IGDCC3: variants seen among roughly 807,000 people sequenced by gnomAD.
The protein encoded by IGDCC3 is putative neuronal cell adhesion molecule.
A neutral mutation model predicts 72.0 loss-of-function variants in IGDCC3; 47 were observed. The observed-to-expected ratio is 0.65, with a 90% CI of 0.52 to 0.83. The LOEUF is 0.83. Among genes scored for constraint, IGDCC3 ranks in the 40% least tolerant of loss-of-function variants. IGDCC3 has a pLI of 0.00. For synonymous variants in IGDCC3, 477 were observed against 472.8 expected, an observed-to-expected ratio of 1.01 and a Z score of -0.11; for missense variants, 1,038 against 1,091.3, an observed-to-expected ratio of 0.95 and a Z score of 0.69.
At chr15:65,374,578 A>AT (rs1240498142) in intron 2 of IGDCC3, among the ~76,000 whole-genome samples, 1 of 152,058 alleles carries the variant, frequency 6.6e-6, no homozygotes, top group African/African-American at 2.4e-5. Context: ...ATCCTACCAT[A>AT]TTTTTTTAAT....
At chr15:65,351,394 T>C (rs1013186838) in intron 2 of IGDCC3, among the ~76,000 whole-genome samples, 28 of 151,842 alleles carry the variant, frequency 1.8e-4, no homozygotes, top group Admixed American at 3.3e-4. Flanking sequence ...ATTAGCTGGG[T>C]ATGGTGGCGG....
chr15:65,349,391 G>C (rs2091154085), intron 2 of IGDCC3, among the ~76,000 whole-genome samples: 1 of 152,092 alleles, frequency 6.6e-6, no homozygotes. Flanking sequence ...TTACCAGTCA[G>C]ATTTTGGGTT....
chr15:65,329,085 AC>A lies in IGDCC3; in HGVS notation c.2268del (p.Cys757AlafsTer3). 6.2e-7 allele frequency: 1 copy of A among 1,611,206 alleles called. No individual in the cohort carries two copies. Among genetic ancestry groups the A allele is most frequent in the Non-Finnish European group, 8.5e-7 (1 of 1,179,070 alleles). ...GTCGTCTTCCCCTCCATCAGGCCGC[AC>A]CCCTGAAGTGGCAGCACGGAGAGCT... ...ETQLSVLPLQ[G>X]CGLMEGKTTE... is the part of the protein sequence containing the mutation. On this transcript the variant is annotated frameshift_variant, in exon 14 of 14. Transcript: ENST00000327987. LOFTEE classifies it low-confidence loss of function (END_TRUNC). The surrounding 1 kb of genome is among the most constrained non-coding windows in gnomAD (Gnocchi z 4.1).
intron 6 of IGDCC3, among the ~76,000 whole-genome samples, 181 bp downstream of exon 6, chr15:65,333,076 C>CGCAAGCAT (rs1567061106): frequency 6.6e-6 from 1 of 152,254 alleles, no homozygotes; most frequent in African/African-American, 2.4e-5. Flanking sequence ...CCATTCCCAA[C>CGCAAGCAT]GCAAGCATTC....
intron 6 of IGDCC3, among the ~76,000 whole-genome samples, chr15:65,332,997 C>T (rs940514164): frequency 1.6e-5 from 2 of 123,802 alleles, no homozygotes; most frequent in African/African-American, 5.8e-5. Context: ...AAATGACTCC[C>T]TGGGTGGAGG....
chr15:65,377,912 G>A lies in IGDCC3; in HGVS notation c.-124C>T, dbSNP rs1470027501. On this transcript the variant is annotated 5_prime_UTR_variant, in exon 1 of 14. Coordinates refer to ENST00000327987, the MANE Select transcript of IGDCC3 (RefSeq NM_004884.4). The surrounding 1 kb of genome is among the most constrained non-coding windows in gnomAD (Gnocchi z 4.9). ...CCGGCCGGGGCCGAGCCCAGGCGGT[G>A]GGGGACTGGGGCCGCATGCCTGCTC... The A allele has an allele frequency of 2.2e-6, 2 of 904,870 alleles. No homozygotes were observed. Among genetic ancestry groups the A allele is most frequent in the Non-Finnish European group, 2.7e-6 (2 of 749,910 alleles). 56.1% of individuals were successfully genotyped at this position (904,870 alleles called of 1,614,324 possible).
chr15:65,354,185 C>T (rs766512861), intron 2 of IGDCC3, among the ~76,000 whole-genome samples: 4 of 152,256 alleles, frequency 2.6e-5, no homozygotes, highest in Non-Finnish European at 5.9e-5. Context: ...GGATTATAGC[C>T]GTGAGCCACT....
Position 65,328,773 on chromosome 15 carries a change from A to G in IGDCC3, c.*136T>C. On this transcript the variant is annotated 3_prime_UTR_variant, in exon 14 of 14. Coordinates refer to ENST00000327987, the MANE Select transcript of IGDCC3 (RefSeq NM_004884.4). ...TGTCAAGGCTGCCTTGGGTTTTGAC[A>G]ACCCAAGAGGCAGTCAGGATAGAAA... The G allele has an allele frequency of 8.6e-7, 1 of 1,169,394 alleles. No homozygotes were observed. The highest frequency in any genetic ancestry group is 2.8e-5 in the East Asian group (1 of 35,282). The allele number at this position is 1,169,394 out of a possible 1,614,324, so 72.4% of individuals were successfully genotyped here.
intron 2 of IGDCC3, among the ~76,000 whole-genome samples, 181 bp downstream of exon 2, chr15:65,374,916 C>T (rs545341550): frequency 1.3e-5 from 2 of 152,318 alleles, no homozygotes; most frequent in South Asian, 2.1e-4. Flanking sequence ...GTTAAACAAG[C>T]ATCTGATATA....
At chr15:65,362,846 ATTTTTTTTTTTT>A (rs869239198) in intron 2 of IGDCC3, among the ~76,000 whole-genome samples, 2 of 85,726 alleles carry the variant, frequency 2.3e-5, no homozygotes, top group Admixed American at 1.4e-4. Context: ...AGGTTTGGGG[ATTTTTTTTTTTT>A]TTTTTTTTTT....
chr15:65,335,955 G>A lies in IGDCC3; in HGVS notation c.411C>T (p.Thr137=). ...GGGGATGCACGTGGAAGTCCGACAT[G>A]GCTGGGGGAAGAGAAGTGTATGAGT... is the stretch of plus-strand genomic sequence containing the variant. ...VSRKARIQAA[T]MSDFHVHPQA... is the part of the protein sequence containing the mutation. Residue 137 remains threonine, a splice_region_variant and synonymous_variant, in exon 3 of 14, where the codon ACC becomes ACT. Transcript: ENST00000327987. The A allele has an allele frequency of 6.2e-7, 1 of 1,614,152 alleles. No homozygotes were observed.
intron 1 of IGDCC3, among the ~76,000 whole-genome samples, chr15:65,376,724 CG>C (rs1299717952): frequency 1.3e-4 from 20 of 152,294 alleles, no homozygotes; most frequent in Non-Finnish European, 1.6e-4. Context: ...GTCTTAGCCC[CG>C]AATCCAACCC....
At chr15:65,343,209 T>C (rs964882992) in intron 2 of IGDCC3, among the ~76,000 whole-genome samples, 36 of 151,508 alleles carry the variant, frequency 2.4e-4, no homozygotes, top group African/African-American at 7.3e-4. Context: ...TGAGGGAAGA[T>C]GGTATAATCT....
chr15:65,333,480 G>A, intron 5 of IGDCC3, 65 bp from the exon 6 acceptor site: 1 of 1,448,092 alleles, frequency 6.9e-7, no homozygotes, highest in Non-Finnish European at 9.2e-7. Flanking sequence ...GGAAAGTAAA[G>A]GAAACTTCCA....
intron 2 of IGDCC3, among the ~76,000 whole-genome samples, chr15:65,351,988 C>T (rs62015028): frequency 0.18 from 27,407 of 152,024 alleles, 3,166 homozygotes; most frequent in Non-Finnish European, 0.26. Context: ...AGCAGGTGTT[C>T]TTAAATGCAG....
chr15:65,329,517 G>A lies in IGDCC3; in HGVS notation c.2078C>T (p.Ala693Val). 6.2e-7 allele frequency: 1 copy of A among 1,606,622 alleles called. No individual in the cohort carries two copies. The highest frequency in any genetic ancestry group is 8.5e-7 in the Non-Finnish European group (1 of 1,178,206). ...PRSQRDPGIL[A>V]LNGARRGQRG... is the part of the protein sequence containing the mutation. ...CTGTCCCCGTCTCGCCCCATTTAGG[G>A]CTAGAATGCCAGGGTCCCTCTGGCT... Residue 693 changes from alanine to valine, a missense_variant, in exon 13 of 14, where the codon GCC becomes GTC. By Grantham distance (64) the Ala-to-Val change is moderately conservative. Transcript: ENST00000327987. This position sits in a 1 kb window ranked among gnomAD's most constrained non-coding sequence, Gnocchi z 4.1.
At chr15:65,335,701 G>A in intron 3 of IGDCC3, 111 bp downstream of exon 3, 1 of 1,242,264 alleles carries the variant, frequency 8.0e-7, no homozygotes, top group Non-Finnish European at 1.2e-6. Flanking sequence ...ACTATCTCAG[G>A]CACCTGTGGG....
intron 2 of IGDCC3, among the ~76,000 whole-genome samples, chr15:65,356,847 G>GTTTTTTTTTTTTTTTTTTTTTTTTT (rs1189300061): frequency 1.6e-5 from 1 of 61,786 alleles, no homozygotes; most frequent in African/African-American, 8.8e-5. Context: ...GAATGGACCT[G>GTTTTTTTTTTTTTTTTTTTTTTTTT]CTTTTTTTTT....
chr15:65,375,202 T>G lies in IGDCC3; in HGVS notation c.304A>C (p.Arg102=), dbSNP rs753393888. 80 of 1,614,104 alleles carry G rather than the reference T, an allele frequency of 5.0e-5. 1 individual carries two copies. The highest frequency in any genetic ancestry group is 6.5e-5 in the Non-Finnish European group (77 of 1,180,052). ...ANGSLMIRHF[R]LEPGGSPSDE... ...GAAGGGCTGCCTCCCGGCTCCAGCCTGAAGTGACGGATCATCAAGGACCCA... is the reference window on the plus strand; with the variant it reads ...GAAGGGCTGCCTCCCGGCTCCAGCCGGAAGTGACGGATCATCAAGGACCCA... Residue 102 remains arginine, a synonymous_variant, in exon 2 of 14, where the codon AGG becomes CGG. Coordinates refer to ENST00000327987, the MANE Select transcript of IGDCC3 (RefSeq NM_004884.4).
Sources: allele counts gnomAD v4.1 joint callset (sites outside exome capture counted in the v4.1 genomes callset), GRCh38; gene constraint gnomAD v4.1.1; non-coding constraint Gnocchi (gnomAD v3.1); transcripts MANE v1.5; gene names NCBI Gene and HGNC (gene_info 2026-07-23, HGNC 2026-07-21).